Variants in FAM193A observed in about 807,000 individuals in gnomAD.
FAM193A encodes protein FAM193A.
FAM193A carries 22 observed loss-of-function variants against 126.5 expected under a neutral mutation model. The observed-to-expected ratio is 0.17, with a 90% CI of 0.12 to 0.25. The LOEUF is 0.25. Among genes scored for constraint, FAM193A ranks in the 10% least tolerant of loss-of-function variants. FAM193A has a pLI of 1.00. For synonymous variants in FAM193A, 761 were observed against 646.8 expected, an observed-to-expected ratio of 1.18 and a Z score of -2.68; for missense variants, 1,675 against 1,672.8, an observed-to-expected ratio of 1.00 and a Z score of -0.02.
intron 1 of FAM193A, among the ~76,000 whole-genome samples, chr4:2,587,061 T>G (rs1740278264): frequency 1.3e-5 from 2 of 152,216 alleles, no homozygotes. Flanking sequence ...GAAATTAAAC[T>G]TCTGTATCTT....
intron 7 of FAM193A, among the ~76,000 whole-genome samples, chr4:2,651,009 TG>T (rs1745610969): frequency 6.6e-6 from 1 of 152,100 alleles, no homozygotes; most frequent in Non-Finnish European, 1.5e-5. Flanking sequence ...GAGGGGTGTG[TG>T]TATCAGTCCA....
At chr4:2,570,334 T>C (rs919220721) in intron 1 of FAM193A, among the ~76,000 whole-genome samples, 1 of 152,184 alleles carries the variant, frequency 6.6e-6, no homozygotes, top group African/African-American at 2.4e-5. Flanking sequence ...TTCTATGAGT[T>C]ACTGTGGATT....
chr4:2,701,139 TC>T (rs142290353), intron 19 of FAM193A, among the ~76,000 whole-genome samples: 1 of 152,124 alleles, frequency 6.6e-6, no homozygotes, highest in Non-Finnish European at 1.5e-5. Flanking sequence ...CTAAAATACT[TC>T]CATGTATATT....
At chr4:2,708,445 T>A (rs918193395) in intron 19 of FAM193A, among the ~76,000 whole-genome samples, 1 of 152,002 alleles carries the variant, frequency 6.6e-6, no homozygotes, top group Non-Finnish European at 1.5e-5. Context: ...TTTATTTTTT[T>A]ATTTTTTATT....
chr4:2,612,565 A>G (rs367554747), intron 2 of FAM193A, among the ~76,000 whole-genome samples: 1 of 152,198 alleles, frequency 6.6e-6, no homozygotes, highest in African/African-American at 2.4e-5. Context: ...TAGTTTTAGC[A>G]TATACATTTA....
At chr4:2,560,311 C>T (rs931110835) in intron 1 of FAM193A, among the ~76,000 whole-genome samples, 1 of 152,112 alleles carries the variant, frequency 6.6e-6, no homozygotes, top group Non-Finnish European at 1.5e-5. Context: ...AGATGGAGAC[C>T]ATGCGCTGTC....
intron 3 of FAM193A, among the ~76,000 whole-genome samples, chr4:2,625,947 C>G (rs765531271): frequency 1.7e-4 from 26 of 152,110 alleles, no homozygotes; most frequent in Non-Finnish European, 3.4e-4. Context: ...TGGTCTCAAA[C>G]TCCTGGACTC....
chr4:2,679,781 A>G (rs1430013973), intron 13 of FAM193A, among the ~76,000 whole-genome samples: 1 of 151,966 alleles, frequency 6.6e-6, no homozygotes, highest in African/African-American at 2.4e-5. Context: ...ACTTTGAGAA[A>G]GATTGGTATT....
At chr4:2,712,928 C>T (rs900629673) in intron 19 of FAM193A, among the ~76,000 whole-genome samples, 1 of 151,112 alleles carries the variant, frequency 6.6e-6, no homozygotes, top group Non-Finnish European at 1.5e-5. Flanking sequence ...GATGGTGAAA[C>T]CCCATCTCTA....
chr4:2,631,565 C>T (rs1189438341), intron 5 of FAM193A, among the ~76,000 whole-genome samples: 7 of 152,190 alleles, frequency 4.6e-5, no homozygotes, highest in African/African-American at 1.4e-4. Flanking sequence ...AGGTGAAATG[C>T]CCATGAAGAG....
chr4:2,726,697 G>A (rs1223511266), intron 20 of FAM193A, among the ~76,000 whole-genome samples: 2 of 148,878 alleles, frequency 1.3e-5, no homozygotes, highest in South Asian at 2.2e-4. Flanking sequence ...TTGGGAAGCC[G>A]AGGCGGGTGG....
intron 1 of FAM193A, among the ~76,000 whole-genome samples, chr4:2,541,657 G>C (rs1340390129): frequency 6.6e-6 from 1 of 151,918 alleles, no homozygotes; most frequent in Non-Finnish European, 1.5e-5. Flanking sequence ...TGTTGGCTAG[G>C]ATGGTTTCTC....
chr4:2,639,005 C>T (rs1200423740), intron 5 of FAM193A, among the ~76,000 whole-genome samples: 1 of 152,106 alleles, frequency 6.6e-6, no homozygotes, highest in African/African-American at 2.4e-5. Flanking sequence ...AAGTAGTGTC[C>T]GTGTAGTTGA....
At chr4:2,597,698 C>G (rs2108910852) in intron 2 of FAM193A, among the ~76,000 whole-genome samples, 1 of 152,276 alleles carries the variant, frequency 6.6e-6, no homozygotes, top group Admixed American at 6.5e-5. Context: ...TTCGGACCAG[C>G]TGTTGCTTTG....
At chr4:2,668,808 C>A (rs895258827) in intron 12 of FAM193A, among the ~76,000 whole-genome samples, 1 of 151,682 alleles carries the variant, frequency 6.6e-6, no homozygotes, top group East Asian at 1.9e-4. Context: ...TTCTCTCTCT[C>A]TCTCTTTCTC....
intron 19 of FAM193A, among the ~76,000 whole-genome samples, chr4:2,713,267 G>C (rs890636979): frequency 4.6e-5 from 7 of 151,342 alleles, no homozygotes; most frequent in Non-Finnish European, 1.5e-5. Flanking sequence ...TTAGCCAGGC[G>C]TGGTGGCGCG....
intron 13 of FAM193A, 69 bp downstream of exon 13, chr4:2,672,441 CAA>C (rs1015971981): frequency 7.7e-6 from 12 of 1,554,460 alleles, no homozygotes; most frequent in Middle Eastern, 1.7e-4. Flanking sequence ...CATAGTCAAA[CAA>C]AGAAATCTGT....
At chr4:2,547,051 A>G (rs987816189) in intron 1 of FAM193A, among the ~76,000 whole-genome samples, 5 of 152,126 alleles carry the variant, frequency 3.3e-5, no homozygotes, top group African/African-American at 1.2e-4. Flanking sequence ...CCGAAGTGCT[A>G]GGATTACAGG....
Position 2,659,681 on chromosome 4 carries a change from G to A in FAM193A, c.1502+11G>A, listed in dbSNP as rs375874486. On this transcript the variant is annotated intron_variant, in intron 9 of 20. Transcript: ENST00000637812. ...CAACTACAGGAGAAGGTAAGGCTGGGTTGTGGTGTCAGCACGACTGGCCCA... is the reference window on the plus strand; with the variant it reads ...CAACTACAGGAGAAGGTAAGGCTGGATTGTGGTGTCAGCACGACTGGCCCA... The A allele has an allele frequency of 1.1e-5, 18 of 1,613,394 alleles. No homozygotes were observed. The highest frequency in any genetic ancestry group is 1.5e-5 in the Non-Finnish European group (18 of 1,179,334).
Sources: gnomAD v4.1 joint callset for allele counts (sites outside exome capture counted in the v4.1 genomes callset) on GRCh38, gnomAD v4.1.1 for gene constraint, MANE v1.5 for transcripts, NCBI Gene and HGNC (gene_info 2026-07-23, HGNC 2026-07-21) for gene names.